Variants in PTPRG observed in about 807,000 individuals in gnomAD.
PTPRG encodes receptor-type tyrosine-protein phosphatase gamma.
Under a neutral mutation model 165.3 loss-of-function variants are expected in PTPRG, and 102 were observed. The observed-to-expected ratio is 0.62, with a 90% CI of 0.53 to 0.73. The LOEUF (loss-of-function observed/expected upper bound fraction) is 0.73, where lower values mean the gene tolerates loss of function less well. PTPRG is among the 30% of genes least tolerant of loss of function. The pLI is 0.00. For synonymous variants in PTPRG, 675 were observed against 669.5 expected (o/e 1.01, Z -0.13); for missense variants, 1,866 against 1,861.4 (o/e 1.00, Z -0.05).
At chr3:62,280,247 A>AT (rs1702383299) in intron 26 of PTPRG, among the ~76,000 whole-genome samples, 1 of 152,004 alleles carries the variant, frequency 6.6e-6, no homozygotes, top group Non-Finnish European at 1.5e-5. Flanking sequence ...CTTACCATTT[A>AT]TTAGCAGAGT....
chr3:62,041,923 A>AT (rs1700141757), intron 4 of PTPRG, among the ~76,000 whole-genome samples: 1 of 152,150 alleles, frequency 6.6e-6, no homozygotes, highest in Admixed American at 6.5e-5. Flanking sequence ...GCATTATCTC[A>AT]TTTAACCTTC....
chr3:61,565,444 T>TTCCTCCCCAACACC (rs1699887280), intron 1 of PTPRG, among the ~76,000 whole-genome samples: 1 of 152,156 alleles, frequency 6.6e-6, no homozygotes, highest in African/African-American at 2.4e-5. Flanking sequence ...CTCTCATCTC[T>TTCCTCCCCAACACC]TCCTCCCCAA....
At chr3:61,937,727 A>G (rs898610231) in intron 2 of PTPRG, among the ~76,000 whole-genome samples, 2 of 152,192 alleles carry the variant, frequency 1.3e-5, no homozygotes, top group African/African-American at 4.8e-5. Context: ...GATTTATAAC[A>G]GGTGACGGCA....
At chr3:62,158,268 C>T (rs1183673133) in intron 7 of PTPRG, among the ~76,000 whole-genome samples, 2 of 152,116 alleles carry the variant, frequency 1.3e-5, no homozygotes, top group Non-Finnish European at 2.9e-5. Flanking sequence ...GTTAGTTGTG[C>T]AAAATTCAGC....
At chr3:61,643,010 C>T (rs1452932826) in intron 1 of PTPRG, among the ~76,000 whole-genome samples, 4 of 152,226 alleles carry the variant, frequency 2.6e-5, no homozygotes, top group Admixed American at 6.5e-5. Context: ...ACAGAGGACA[C>T]GAAAACATGG....
chr3:61,870,368 A>G (rs1427210531), intron 2 of PTPRG, among the ~76,000 whole-genome samples: 1 of 148,610 alleles, frequency 6.7e-6, no homozygotes, highest in Non-Finnish European at 1.5e-5. Context: ...CAGGAGTGCA[A>G]TGGTATGATC....
intron 2 of PTPRG, 51 bp from the exon 3 acceptor site, chr3:61,989,574 C>G (rs769551478): frequency 6.5e-7 from 1 of 1,546,998 alleles, no homozygotes. Context: ...TTATTCATTT[C>G]ATCCCTGACC....
At chr3:61,615,410 G>A (rs1041330826) in intron 1 of PTPRG, among the ~76,000 whole-genome samples, 1 of 152,194 alleles carries the variant, frequency 6.6e-6, no homozygotes, top group Admixed American at 6.5e-5. Context: ...TCGTGATTAC[G>A]TTCAGGTTAT....
chr3:61,577,292 A>T (rs1322201565), intron 1 of PTPRG, among the ~76,000 whole-genome samples: 1 of 152,216 alleles, frequency 6.6e-6, no homozygotes, highest in Non-Finnish European at 1.5e-5. Context: ...GACATCAGGT[A>T]ATCCCGTATT....
intron 2 of PTPRG, among the ~76,000 whole-genome samples, chr3:61,955,360 T>G (rs1206384016): frequency 6.6e-6 from 1 of 152,206 alleles, no homozygotes; most frequent in African/African-American, 2.4e-5. Context: ...CACAGGAAGA[T>G]AAAAACCATT....
At chr3:61,688,427 G>C (rs752023985) in intron 1 of PTPRG, among the ~76,000 whole-genome samples, 1 of 152,078 alleles carries the variant, frequency 6.6e-6, no homozygotes, top group South Asian at 2.1e-4. Context: ...CTCATCAGAG[G>C]CTCTCTTTTC....
chr3:61,871,153 GTGTTGTGTTGTGTTA>G (rs1231823483), intron 2 of PTPRG, among the ~76,000 whole-genome samples: 262 of 124,360 alleles, frequency 2.1e-3, no homozygotes, highest in South Asian at 5.6e-3. Context: ...GTGTTGTGTT[GTGTTGTGTTGTGTTA>G]TGTTATGTTA....
chr3:61,818,945 G>T (rs1277664774), intron 2 of PTPRG, among the ~76,000 whole-genome samples: 1 of 151,916 alleles, frequency 6.6e-6, no homozygotes, highest in Non-Finnish European at 1.5e-5. Flanking sequence ...GGGCCACTAT[G>T]TTCCTTACTA....
At chr3:62,103,227 CAT>C (rs1702354038) in intron 5 of PTPRG, among the ~76,000 whole-genome samples, 1 of 125,374 alleles carries the variant, frequency 8.0e-6, no homozygotes, top group Non-Finnish European at 1.7e-5. Context: ...TGCTTGGACT[CAT>C]AGCACGCGGA....
At chr3:62,084,287 G>T (rs1701675481) in intron 5 of PTPRG, among the ~76,000 whole-genome samples, 1 of 152,206 alleles carries the variant, frequency 6.6e-6, no homozygotes, top group Non-Finnish European at 1.5e-5. Flanking sequence ...TTGACAAACT[G>T]TCGTCACCAA....
Position 62,131,472 on chromosome 3 carries a change from T to C in PTPRG, c.616-1130T>C, listed in dbSNP as rs149883088. Among the ~76,000 whole-genome samples, 640 of 152,286 alleles carry C rather than the reference T, an allele frequency of 4.2e-3. 8 individuals carry two copies. Among genetic ancestry groups the C allele is most frequent in the Admixed American group, 0.019 (290 of 15,280 alleles). On this transcript the variant is annotated intron_variant, in intron 5 of 29. Coordinates refer to ENST00000474889, the MANE Select transcript of PTPRG (RefSeq NM_002841.4). ...GAATGTGGAAAATTTTCAGTCACCT[T>C]AAAATTAATTCTAGGGGTGGCTCTT...
At chr3:61,571,747 T>A (rs1700061796) in intron 1 of PTPRG, among the ~76,000 whole-genome samples, 1 of 152,206 alleles carries the variant, frequency 6.6e-6, no homozygotes, top group Admixed American at 6.5e-5. Context: ...TGCGGTATTT[T>A]TACTGTCCCA....
chr3:62,050,303 A>C (rs6779504), intron 4 of PTPRG, among the ~76,000 whole-genome samples: 1,857 of 152,312 alleles, frequency 0.012, 45 homozygotes, highest in African/African-American at 0.042. Flanking sequence ...TAGATACCGA[A>C]ATACTTACCA....
At chr3:61,840,704 A>G (rs942451017) in intron 2 of PTPRG, among the ~76,000 whole-genome samples, 1 of 151,606 alleles carries the variant, frequency 6.6e-6, no homozygotes, top group Non-Finnish European at 1.5e-5. Flanking sequence ...GGGACAGGTC[A>G]TGTGGAGACA....
Sources: gnomAD v4.1 joint callset for allele counts (sites outside exome capture counted in the v4.1 genomes callset) on GRCh38, gnomAD v4.1.1 for gene constraint, MANE v1.5 for transcripts, NCBI Gene and HGNC (gene_info 2026-07-23, HGNC 2026-07-21) for gene names.